Variants in SPC25 observed in about 807,000 individuals in gnomAD.
SPC25 encodes kinetochore protein Spc25.
SPC25 carries 22 observed loss-of-function variants against 29.6 expected under a neutral mutation model. The ratio of observed to expected loss-of-function variants is 0.74; its 90% CI spans 0.53 to 1.06. SPC25 has a LOEUF of 1.06. SPC25 is among the 50% of genes least tolerant of loss of function. The pLI, the probability that SPC25 is intolerant of heterozygous loss-of-function variation, is 0.00. For missense variants in SPC25, 230 were observed against 255.8 expected, an observed-to-expected ratio of 0.90 and a Z score of 0.69; for synonymous variants, 91 against 90.4, an observed-to-expected ratio of 1.01 and a Z score of -0.04.
chr2:168,886,543 G>A (rs1690266416), intron 3 of SPC25, among the ~76,000 whole-genome samples: 1 of 145,528 alleles, frequency 6.9e-6, no homozygotes, highest in South Asian at 2.2e-4. Context: ...TTTTTGAGAT[G>A]GAGTCTTGCT....
chr2:168,866,192 C>T (rs1212313390), downstream of SPC25, among the ~76,000 whole-genome samples: 8 of 152,302 alleles, frequency 5.3e-5, no homozygotes, highest in Non-Finnish European at 8.8e-5. Context: ...AGAACAAAGC[C>T]AGAGGCATCA....
chr2:168,869,887 C>T (rs1357336361), downstream of SPC25, among the ~76,000 whole-genome samples: 1 of 151,822 alleles, frequency 6.6e-6, no homozygotes, highest in African/African-American at 2.4e-5. Flanking sequence ...AAAAAAGAGC[C>T]CGCATTGCCA....
chr2:168,888,629 T>C (rs1450348694), intron 3 of SPC25, among the ~76,000 whole-genome samples: 12 of 152,020 alleles, frequency 7.9e-5, no homozygotes. Context: ...AGGTTAGTTG[T>C]GGAAGGTGGG....
intron 3 of SPC25, among the ~76,000 whole-genome samples, chr2:168,888,924 C>CGTGTGTGTGT (rs375198489): frequency 4.6e-5 from 4 of 87,504 alleles, no homozygotes; most frequent in African/African-American, 1.7e-4. Context: ...ACTACATGTA[C>CGTGTGTGTGT]GTGTGTGTGT....
chr2:168,864,837 A>G, intron 4 of SPC25: 1 of 1,613,896 alleles, frequency 6.2e-7, no homozygotes, highest in Non-Finnish European at 8.5e-7. Context: ...TTCACAGGTG[A>G]CATTGTGATT....
chr2:168,877,164 C>A (rs1414767370), intron 4 of SPC25, 74 bp downstream of exon 4: 12 of 1,525,470 alleles, frequency 7.9e-6, no homozygotes, highest in Non-Finnish European at 1.1e-5. Context: ...CTGGAACAGG[C>A]AAGATGTACT....
chr2:168,867,106 C>A (rs1423157370), downstream of SPC25, among the ~76,000 whole-genome samples: 1 of 152,056 alleles, frequency 6.6e-6, no homozygotes, highest in Admixed American at 6.6e-5. Context: ...ACCATTTGAC[C>A]CAGCCATCCC....
chr2:168,862,868 C>T (rs1376720126), intron 4 of SPC25, among the ~76,000 whole-genome samples: 1 of 152,048 alleles, frequency 6.6e-6, no homozygotes, highest in African/African-American at 2.4e-5. Flanking sequence ...GAATATTATC[C>T]ACGACAAGGA....
chr2:168,871,965 A>AT (rs1348753789), intron 6 of SPC25, among the ~76,000 whole-genome samples: 3 of 143,048 alleles, frequency 2.1e-5, no homozygotes, highest in Non-Finnish European at 4.6e-5. Context: ...GGAATTAAAA[A>AT]AAAAAAAGGA....
At chr2:168,867,722 C>G (rs1689893371), downstream of SPC25, among the ~76,000 whole-genome samples, 1 of 152,100 alleles carries the variant, frequency 6.6e-6, no homozygotes, top group Non-Finnish European at 1.5e-5. Context: ...ACAGGAGCAC[C>G]CAGATTCATA....
chr2:168,869,158 C>T (rs924874231), downstream of SPC25, among the ~76,000 whole-genome samples: 2 of 152,098 alleles, frequency 1.3e-5, no homozygotes, highest in South Asian at 2.1e-4. Flanking sequence ...ATTCAACAAC[C>T]CTTCATGCTA....
At chr2:168,862,126 T>C in intron 4 of SPC25, 1 of 1,325,148 alleles carries the variant, frequency 7.5e-7, no homozygotes. Flanking sequence ...TGTCTTAGTG[T>C]GGCAGCCTTA....
intron 3 of SPC25, among the ~76,000 whole-genome samples, chr2:168,883,170 G>A (rs991597499): frequency 2.6e-5 from 4 of 151,764 alleles, no homozygotes; most frequent in African/African-American, 9.7e-5. Context: ...AAGATGGAAT[G>A]TATTTTCAAA....
intron 3 of SPC25, among the ~76,000 whole-genome samples, chr2:168,880,581 T>C (rs115037100): frequency 0.017 from 2,648 of 152,360 alleles, 67 homozygotes; most frequent in African/African-American, 0.058. Flanking sequence ...GTGTGTTCAC[T>C]GAATTAGCAC....
intron 6 of SPC25, among the ~76,000 whole-genome samples, chr2:168,872,883 C>T (rs554871274): frequency 1.3e-5 from 2 of 152,240 alleles, no homozygotes; most frequent in South Asian, 4.1e-4. Context: ...CAGCAGTTCA[C>T]CTGAGTGTCT....
chr2:168,863,339 AAAGATAGAAAAGGAGTT>A, intron 4 of SPC25: 3 of 902,368 alleles, frequency 3.3e-6, no homozygotes, highest in Middle Eastern at 5.7e-4. Flanking sequence ...AAAATGTAGA[AAAGATAGAAAAGGAGTT>A]AATAATTTCC....
downstream of SPC25, among the ~76,000 whole-genome samples, chr2:168,869,828 AC>A (rs1380520396): frequency 6.6e-6 from 1 of 152,104 alleles, no homozygotes; most frequent in Non-Finnish European, 1.5e-5. Context: ...GCTACCAATG[AC>A]TTTCTTCACA....
In SPC25 at chr2:168,865,390, G is replaced by C. The variant is rs116121062; in HGVS notation, n.419+8195C>G. The C allele has an allele frequency of 4.0e-3, 631 of 158,486 alleles. 3 individuals carry two copies. The highest frequency in any genetic ancestry group is 0.014 in the African/African-American group (603 of 41,616). 9.8% of individuals were successfully genotyped at this position (158,486 alleles called of 1,614,324 possible). On this transcript the variant is annotated intron_variant and non_coding_transcript_variant, in intron 4 of 4. Transcript: ENST00000479309. ...CACAGCAGGCCTATGAGGGGGTCAA[G>C]CAGAGCCTGGGAGATGAGGAACACA...
Position 168,890,386 on chromosome 2 carries a change from G to T in SPC25, c.-83C>A. On this transcript the variant is annotated 5_prime_UTR_variant, in exon 1 of 7. Coordinates refer to ENST00000282074, the MANE Select transcript of SPC25 (RefSeq NM_020675.4). ...TCCGCGCCCACTCTAGCCAACAGCC[G>T]GACTCTAGGCTCAGCTCCCGCAGCC... 1.0e-6 allele frequency: 1 copy of T among 985,426 alleles called. No homozygotes were observed. The highest frequency in any genetic ancestry group is 1.2e-6 in the Non-Finnish European group (1 of 829,968). 61.0% of individuals were successfully genotyped at this position (985,426 alleles called of 1,614,324 possible). A position where few individuals can be genotyped will look rare whatever the true frequency, so the allele number is the denominator to read the frequency against.
Sources: gnomAD v4.1 joint callset for allele counts (sites outside exome capture counted in the v4.1 genomes callset) on GRCh38, gnomAD v4.1.1 for gene constraint, MANE v1.5 for transcripts, NCBI Gene and HGNC (gene_info 2026-07-23, HGNC 2026-07-21) for gene names.